Variants in MACROD2 observed in about 807,000 individuals in gnomAD.
MACROD2 encodes the protein mono-ADP ribosylhydrolase 2.
Under a neutral mutation model 70.4 loss-of-function variants are expected in MACROD2, and 36 were observed. The ratio of observed to expected loss-of-function variants is 0.51; its 90% CI spans 0.39 to 0.68. The LOEUF (loss-of-function observed/expected upper bound fraction) is 0.68. Among genes scored for constraint, MACROD2 ranks in the 30% least tolerant of loss-of-function variants. The pLI is 0.00. For synonymous variants in MACROD2, 172 were observed against 178.8 expected, an observed-to-expected ratio of 0.96 and a Z score of 0.30; for missense variants, 496 against 538.4, an observed-to-expected ratio of 0.92 and a Z score of 0.78.
intron 3 of MACROD2, among the ~76,000 whole-genome samples, chr20:14,338,281 C>T (rs1418407542): frequency 6.6e-6 from 1 of 152,120 alleles, no homozygotes; most frequent in Non-Finnish European, 1.5e-5. Flanking sequence ...GCAGGAGAAT[C>T]ACTTGAACCC....
chr20:15,116,993 A>G (rs2075996240), intron 5 of MACROD2, among the ~76,000 whole-genome samples: 1 of 152,208 alleles, frequency 6.6e-6, no homozygotes, highest in South Asian at 2.1e-4. Flanking sequence ...AGTATGATAA[A>G]GCATTTTTTT....
At chr20:15,248,685 C>A (rs1047229900) in intron 6 of MACROD2, among the ~76,000 whole-genome samples, 1 of 152,118 alleles carries the variant, frequency 6.6e-6, no homozygotes, top group African/African-American at 2.4e-5. Context: ...TCTCAGGCAA[C>A]CTGCTTGGAC....
At chr20:15,493,611 A>G (rs1237765307) in intron 7 of MACROD2, among the ~76,000 whole-genome samples, 2 of 152,224 alleles carry the variant, frequency 1.3e-5, no homozygotes, top group East Asian at 1.9e-4. Context: ...GGTGAACAAA[A>G]TTAGTTTCTA....
intron 4 of MACROD2, among the ~76,000 whole-genome samples, chr20:14,515,298 A>G (rs2085079092): frequency 6.6e-6 from 1 of 152,082 alleles, no homozygotes; most frequent in Admixed American, 6.6e-5. Flanking sequence ...GAGAGATCCA[A>G]TATTTCCACT....
chr20:14,005,989 A>G (rs1569111121), intron 2 of MACROD2, among the ~76,000 whole-genome samples: 1 of 152,352 alleles, frequency 6.6e-6, no homozygotes, highest in East Asian at 1.9e-4. Context: ...GGTCATTGAC[A>G]TCCTGCATAT....
chr20:15,645,838 C>T (rs1226624515), intron 8 of MACROD2, among the ~76,000 whole-genome samples: 2 of 152,184 alleles, frequency 1.3e-5, no homozygotes, highest in African/African-American at 2.4e-5. Flanking sequence ...ATTGCACTTG[C>T]TCCTTCAGCT....
At chr20:14,283,815 A>T (rs1188076361) in intron 3 of MACROD2, among the ~76,000 whole-genome samples, 2 of 152,140 alleles carry the variant, frequency 1.3e-5, no homozygotes, top group Non-Finnish European at 2.9e-5. Context: ...AAAGAGAAGA[A>T]TTTTTTAAAA....
intron 4 of MACROD2, among the ~76,000 whole-genome samples, chr20:14,550,822 G>C (rs1301451639): frequency 1.3e-5 from 2 of 151,814 alleles, no homozygotes; most frequent in Non-Finnish European, 2.9e-5. Flanking sequence ...AAGCAAGGAG[G>C]CATAGTAGAG....
intron 8 of MACROD2, among the ~76,000 whole-genome samples, chr20:15,773,449 A>G (rs558190630): frequency 1.3e-5 from 2 of 152,256 alleles, no homozygotes; most frequent in South Asian, 4.1e-4. Context: ...ATCATCTAGG[A>G]AAAAGTAAGA....
chr20:15,230,223 T>G (rs2076948060), intron 6 of MACROD2, among the ~76,000 whole-genome samples, 162 bp downstream of exon 6: 2 of 152,202 alleles, frequency 1.3e-5, no homozygotes, highest in South Asian at 4.1e-4. Flanking sequence ...ATCTTTGATG[T>G]GCTATAAATA....
At chr20:14,366,808 T>C (rs562024126) in intron 3 of MACROD2, among the ~76,000 whole-genome samples, 7 of 152,184 alleles carry the variant, frequency 4.6e-5, no homozygotes, top group African/African-American at 1.7e-4. Flanking sequence ...GAGTCTCTTA[T>C]CACAGCATGT....
intron 2 of MACROD2, among the ~76,000 whole-genome samples, chr20:14,056,922 T>C (rs1220125977): frequency 6.6e-6 from 1 of 152,046 alleles, no homozygotes; most frequent in African/African-American, 2.4e-5. Context: ...TTTCTCATTG[T>C]TTTTTAACGT....
chr20:15,726,480 T>C (rs918446813), intron 8 of MACROD2, among the ~76,000 whole-genome samples: 11 of 152,184 alleles, frequency 7.2e-5, no homozygotes, highest in Non-Finnish European at 1.5e-4. Context: ...GGTAATTCTG[T>C]TTTGAGTTCT....
At position 15,119,553 on chromosome 20, in the gene MACROD2, C is replaced by T. The variant is rs1378057929; in HGVS notation, c.419-110387C>T. On this transcript the variant is annotated intron_variant, in intron 5 of 17. Coordinates refer to ENST00000684519, the MANE Select transcript of MACROD2 (RefSeq NM_001351661.2). The stretch of plus-strand genomic sequence containing the variant: ...AATTCAACTGCATGACTAACAAGAA[C>T]ATTACAGAGAAAAAAAGAAAGAAAA... Among the ~76,000 whole-genome samples the T allele has an allele frequency of 2.6e-5, 4 of 152,044 alleles. No homozygotes were observed. The East Asian group carries it at 7.7e-4, about 29-fold the overall frequency.
At chr20:15,592,864 T>C (rs2048696975) in intron 8 of MACROD2, among the ~76,000 whole-genome samples, 1 of 152,190 alleles carries the variant, frequency 6.6e-6, no homozygotes, top group Non-Finnish European at 1.5e-5. Context: ...CAAAGCTTTC[T>C]CTTCTTGTCA....
At chr20:14,593,142 A>G (rs569967029) in intron 4 of MACROD2, among the ~76,000 whole-genome samples, 190 of 106,056 alleles carry the variant, frequency 1.8e-3, no homozygotes, top group Admixed American at 4.6e-3. Context: ...GATATCCTTC[A>G]AGAAAGAAAT....
At chr20:14,033,292 T>C (rs2053267928) in intron 2 of MACROD2, among the ~76,000 whole-genome samples, 1 of 152,114 alleles carries the variant, frequency 6.6e-6, no homozygotes, top group Non-Finnish European at 1.5e-5. Context: ...CCCCTTGCGA[T>C]CTGTTTATTA....
chr20:15,732,607 G>C (rs1226054713), intron 8 of MACROD2, among the ~76,000 whole-genome samples: 2 of 152,146 alleles, frequency 1.3e-5, no homozygotes, highest in Admixed American at 6.5e-5. Context: ...TGAATCATTT[G>C]TGAATATTTT....
chr20:15,155,740 A>G (rs1456486416), intron 5 of MACROD2, among the ~76,000 whole-genome samples: 1 of 152,190 alleles, frequency 6.6e-6, no homozygotes, highest in African/African-American at 2.4e-5. Context: ...AATCTATCGA[A>G]TGAATAACTG....
Sources: allele counts gnomAD v4.1 joint callset (sites outside exome capture counted in the v4.1 genomes callset), GRCh38; gene constraint gnomAD v4.1.1; transcripts MANE v1.5; gene names NCBI Gene and HGNC (gene_info 2026-07-23, HGNC 2026-07-21).